The following SERPINE2 variants were observed in gnomAD, a reference collection of about 807,000 sequenced individuals.
SERPINE2 encodes glia-derived nexin.
In SERPINE2, 14 loss-of-function variants were observed where a neutral mutation model predicts 36.3. That is an observed-to-expected ratio of 0.39 (90% CI 0.25 to 0.60). The LOEUF is 0.60. SERPINE2 is among the 20% of genes least tolerant of loss of function. SERPINE2 has a pLI of 0.57. For synonymous variants in SERPINE2, 192 were observed against 191.8 expected (o/e 1.00, Z -0.01); for missense variants, 418 against 499.6 (o/e 0.84, Z 1.56).
At chr2:224,008,919 T>C (rs748437963) in intron 1 of SERPINE2, among the ~76,000 whole-genome samples, 3 of 152,312 alleles carry the variant, frequency 2.0e-5, no homozygotes, top group South Asian at 2.1e-4. Context: ...AATCAAATTA[T>C]GAAAGACCAG....
At chr2:224,013,091 T>G (rs1290559939) in intron 1 of SERPINE2, among the ~76,000 whole-genome samples, 1 of 152,126 alleles carries the variant, frequency 6.6e-6, no homozygotes, top group African/African-American at 2.4e-5. Context: ...TATTTAATGG[T>G]GGGGATTATG....
chr2:224,017,873 T>C (rs933813902), intron 1 of SERPINE2, among the ~76,000 whole-genome samples: 3 of 152,270 alleles, frequency 2.0e-5, no homozygotes, highest in Non-Finnish European at 4.4e-5. Context: ...TGAAGGCCTA[T>C]ACTACAGTCC....
At chr2:224,000,289 G>A (rs10177151) in intron 2 of SERPINE2, among the ~76,000 whole-genome samples, 1 of 151,938 alleles carries the variant, frequency 6.6e-6, no homozygotes, top group African/African-American at 2.4e-5. Context: ...GCCAGGAAGA[G>A]GGGGGGAGCC....
chr2:224,030,068 C>A (rs1692310737), intron 1 of SERPINE2: 4 of 985,318 alleles, frequency 4.1e-6, no homozygotes, highest in Non-Finnish European at 4.8e-6. Context: ...CATGACAGGG[C>A]TACCTGCAAC....
chr2:224,039,246 G>C lies in SERPINE2; in HGVS notation c.-170C>G, dbSNP rs1381722041. 2 of 150,708 alleles carry C rather than the reference G, an allele frequency of 1.3e-5. No individual in the cohort carries two copies. Among genetic ancestry groups the C allele is most frequent in the Non-Finnish European group, 3.0e-5 (2 of 67,518 alleles). 9.3% of individuals were successfully genotyped at this position (150,708 alleles called of 1,614,324 possible). On this transcript the variant is annotated 5_prime_UTR_variant, in exon 1 of 9. Coordinates refer to ENST00000409304, the MANE Select transcript of SERPINE2 (RefSeq NM_001136528.2). The surrounding 1 kb of genome is among the most constrained non-coding windows in gnomAD (Gnocchi z 5.2). ...TCACAGCCGGAAAGAGGCAGCGGTG[G>C]CGCCTGCAGACGCCGCGCAGCCCGG...
rs1559195514 is a variant in SERPINE2, at chr2:223,983,757, TGTG to T, written c.885-979_885-977del. 7.9e-3 allele frequency among the ~76,000 whole-genome samples: 492 copies of T among 61,912 alleles called. 2 individuals carry two copies. The highest frequency in any genetic ancestry group is 0.019 in the Admixed American group (105 of 5,612). 40.6% of individuals were successfully genotyped at this position (61,912 alleles called of 152,430 possible). ...GTATATGTGTGTGTGTGTGTGTGTG[TGTG>T]TGTGTAAATGTCAGTTACTGTCATC... On this transcript the variant is annotated intron_variant, in intron 5 of 8. Coordinates refer to ENST00000409304, the MANE Select transcript of SERPINE2 (RefSeq NM_001136528.2).
intron 1 of SERPINE2, among the ~76,000 whole-genome samples, chr2:224,038,089 C>A (rs1238190424): frequency 1.3e-5 from 2 of 152,136 alleles, no homozygotes; most frequent in East Asian, 3.9e-4. Context: ...GCAATGTTGA[C>A]AATTCTTCCA....
At position 223,990,885 on chromosome 2, in the gene SERPINE2, G is replaced by A. The variant is rs368902448; in HGVS notation, c.685+918C>T. Among the ~76,000 whole-genome samples, 8 of 152,182 alleles carry A rather than the reference G, an allele frequency of 5.3e-5. No individual in the cohort carries two copies. The East Asian group carries it at 1.2e-3, about 22-fold the overall frequency. On this transcript the variant is annotated intron_variant, in intron 4 of 8. Transcript: ENST00000409304. ...CCCAGCTACATGAGAGGCTGAGGTG[G>A]GAGGATAGCTTGAGTCCAAGAGGTC...
chr2:223,981,695 A>G (rs1032275173), intron 6 of SERPINE2: 5 of 152,244 alleles, frequency 3.3e-5, no homozygotes, highest in Non-Finnish European at 1.5e-5. Flanking sequence ...TTCCTTGGAA[A>G]GATTGCTATG....
At chr2:224,034,225 G>A (rs1692467111) in intron 1 of SERPINE2, among the ~76,000 whole-genome samples, 1 of 152,170 alleles carries the variant, frequency 6.6e-6, no homozygotes, top group Non-Finnish European at 1.5e-5. Context: ...GGTAGGCACG[G>A]GGAGGGGTGA....
At chr2:223,997,335 C>T (rs1690930862) in intron 3 of SERPINE2, among the ~76,000 whole-genome samples, 1 of 152,160 alleles carries the variant, frequency 6.6e-6, no homozygotes, top group African/African-American at 2.4e-5. Context: ...ATTCTCCTGC[C>T]TCAGCCTCCC....
At chr2:223,994,578 G>A (rs1305613036) in intron 3 of SERPINE2, among the ~76,000 whole-genome samples, 1 of 152,080 alleles carries the variant, frequency 6.6e-6, no homozygotes, top group Non-Finnish European at 1.5e-5. Context: ...CAAAAACTAC[G>A]AATGAGAGAG....
chr2:224,028,947 C>T (rs1692273817), intron 1 of SERPINE2, among the ~76,000 whole-genome samples: 1 of 152,200 alleles, frequency 6.6e-6, no homozygotes, highest in Non-Finnish European at 1.5e-5. Flanking sequence ...ACTTGCCCCA[C>T]TCGTAGAAAT....
At chr2:224,006,138 C>A (rs1691415187) in intron 1 of SERPINE2, among the ~76,000 whole-genome samples, 1 of 152,176 alleles carries the variant, frequency 6.6e-6, no homozygotes, top group African/African-American at 2.4e-5. Flanking sequence ...ATTAGAGGAA[C>A]CCACTCTCTA....
At chr2:224,006,085 AT>A (rs1335833763) in intron 1 of SERPINE2, among the ~76,000 whole-genome samples, 1 of 152,258 alleles carries the variant, frequency 6.6e-6, no homozygotes, top group Non-Finnish European at 1.5e-5. Context: ...GACTCAAAAT[AT>A]AACCCTAACA....
At position 223,991,956 on chromosome 2, in the gene SERPINE2, G is replaced by A; in HGVS notation, c.532C>T (p.Leu178Phe). Reference sequence around the variant, plus strand: ...GCGTTGACGAGGACCAGTCTGGTGAGCACACCATCAATAAGATCTGGGGAC... The same window carrying A: ...GCGTTGACGAGGACCAGTCTGGTGAACACACCATCAATAAGATCTGGGGAC... ...LLSPDLIDGV[L>F]TRLVLVNAVY... The change falls in exon 4 of 9, where the codon CTC becomes TTC. Residue 178 changes from leucine to phenylalanine, a missense_variant. Coordinates refer to ENST00000409304, the MANE Select transcript of SERPINE2 (RefSeq NM_001136528.2). The A allele has an allele frequency of 6.2e-7, 1 of 1,613,880 alleles. No individual in the cohort carries two copies. Among genetic ancestry groups the A allele is most frequent in the Non-Finnish European group, 8.5e-7 (1 of 1,179,900 alleles).
At chr2:224,011,935 T>A (rs943386573) in intron 1 of SERPINE2, among the ~76,000 whole-genome samples, 37 of 152,334 alleles carry the variant, frequency 2.4e-4, no homozygotes, top group African/African-American at 8.9e-4. Context: ...ATCTCCTAGT[T>A]TTTATCTGCT....
chr2:224,002,658 A>ATTTTT (rs11418943), intron 1 of SERPINE2, among the ~76,000 whole-genome samples: 7 of 116,494 alleles, frequency 6.0e-5, no homozygotes, highest in South Asian at 3.1e-4. Flanking sequence ...TCGTCTGGCA[A>ATTTTT]TTTTTTTTTT....
intron 4 of SERPINE2, among the ~76,000 whole-genome samples, chr2:223,987,220 T>C (rs1395493117): frequency 1.3e-5 from 2 of 152,224 alleles, no homozygotes; most frequent in African/African-American, 4.8e-5. Context: ...GTGCTCAGCA[T>C]AAGCTGGCCC....
Sources: allele counts gnomAD v4.1 joint callset (sites outside exome capture counted in the v4.1 genomes callset), GRCh38; gene constraint gnomAD v4.1.1; non-coding constraint Gnocchi (gnomAD v3.1); transcripts MANE v1.5; gene names NCBI Gene and HGNC (gene_info 2026-07-23, HGNC 2026-07-21).